CNTNAP2: variants seen among roughly 807,000 people sequenced by gnomAD.
The protein encoded by CNTNAP2 is contactin-associated protein-like 2.
A neutral mutation model predicts 155.2 loss-of-function variants in CNTNAP2; 98 were observed. That is an observed-to-expected ratio of 0.63 (90% CI 0.54 to 0.75). The LOEUF (loss-of-function observed/expected upper bound fraction) is 0.75. Among genes scored for constraint, CNTNAP2 ranks in the 30% least tolerant of loss-of-function variants. The pLI, the probability that CNTNAP2 is intolerant of heterozygous loss-of-function variation, is 0.00. For synonymous variants in CNTNAP2, 651 were observed against 631.2 expected (o/e 1.03, Z -0.47); for missense variants, 1,727 against 1,688.1 (o/e 1.02, Z -0.40).
At chr7:148,209,861 G>A (rs1714165855) in intron 18 of CNTNAP2, among the ~76,000 whole-genome samples, 1 of 152,098 alleles carries the variant, frequency 6.6e-6, no homozygotes, top group Non-Finnish European at 1.5e-5. Flanking sequence ...CTCCCCTGAG[G>A]GTTTGTCATC....
At chr7:146,501,516 A>T (rs1386927296) in intron 1 of CNTNAP2, among the ~76,000 whole-genome samples, 1 of 152,044 alleles carries the variant, frequency 6.6e-6, no homozygotes, top group Non-Finnish European at 1.5e-5. Context: ...TGTTTATATT[A>T]TTCCTTTGTA....
intron 9 of CNTNAP2, among the ~76,000 whole-genome samples, chr7:147,342,700 T>G (rs1563167638): frequency 6.6e-6 from 1 of 152,160 alleles, no homozygotes; most frequent in Non-Finnish European, 1.5e-5. Context: ...TTTAAATAAC[T>G]TGTTTACCTG....
chr7:147,828,351 C>A (rs1798493376), intron 13 of CNTNAP2, among the ~76,000 whole-genome samples: 1 of 152,128 alleles, frequency 6.6e-6, no homozygotes, highest in Non-Finnish European at 1.5e-5. Context: ...TTTAATACCA[C>A]TAAGTTTCAA....
chr7:147,698,402 A>G (rs1796190949), intron 13 of CNTNAP2, among the ~76,000 whole-genome samples: 1 of 152,218 alleles, frequency 6.6e-6, no homozygotes, highest in Admixed American at 6.5e-5. Context: ...TTATACCATT[A>G]CATCACATAT....
intron 4 of CNTNAP2, among the ~76,000 whole-genome samples, chr7:147,099,410 A>G (rs994598381): frequency 2.3e-4 from 35 of 152,082 alleles, no homozygotes; most frequent in African/African-American, 8.2e-4. Flanking sequence ...CATGGTCAGG[A>G]TAGAGGGGAA....
chr7:146,656,204 T>C (rs1224369739), intron 1 of CNTNAP2, among the ~76,000 whole-genome samples: 1 of 152,210 alleles, frequency 6.6e-6, no homozygotes, highest in African/African-American at 2.4e-5. Flanking sequence ...CCAAAGTTCA[T>C]CTCTTATTAC....
At chr7:147,788,795 C>CA (rs1241134997) in intron 13 of CNTNAP2, among the ~76,000 whole-genome samples, 12 of 151,888 alleles carry the variant, frequency 7.9e-5, no homozygotes, top group African/African-American at 2.9e-4. Context: ...GTTGCTGATG[C>CA]AAAAAATCCC....
intron 4 of CNTNAP2, among the ~76,000 whole-genome samples, chr7:147,091,965 T>C (rs1252774805): frequency 6.6e-6 from 1 of 152,078 alleles, no homozygotes; most frequent in Non-Finnish European, 1.5e-5. Flanking sequence ...GGTGTCGATC[T>C]CCTGACCTCG....
chr7:146,347,140 A>T (rs890754531), intron 1 of CNTNAP2, among the ~76,000 whole-genome samples: 4 of 65,762 alleles, frequency 6.1e-5, no homozygotes, highest in African/African-American at 1.7e-4. Flanking sequence ...ATACTCTGTA[A>T]AAAAAAAAAA....
At chr7:148,201,877 A>AAAG (rs893971669) in intron 18 of CNTNAP2, among the ~76,000 whole-genome samples, 1 of 152,088 alleles carries the variant, frequency 6.6e-6, no homozygotes, top group Admixed American at 6.6e-5. Flanking sequence ...CTATGGAACA[A>AAAG]AAGAAATGGC....
At chr7:147,511,759 G>C (rs1162363273) in intron 11 of CNTNAP2, among the ~76,000 whole-genome samples, 1 of 152,070 alleles carries the variant, frequency 6.6e-6, no homozygotes, top group Non-Finnish European at 1.5e-5. Flanking sequence ...ACAAAGATCA[G>C]ACAAACCACT....
chr7:146,904,751 G>T (rs906867410), intron 3 of CNTNAP2, among the ~76,000 whole-genome samples: 1 of 152,166 alleles, frequency 6.6e-6, no homozygotes, highest in East Asian at 1.9e-4. Flanking sequence ...GATTACAGGC[G>T]TGAGCCACCG....
At chr7:147,093,498 AG>A (rs1291357579) in intron 4 of CNTNAP2, among the ~76,000 whole-genome samples, 1 of 152,180 alleles carries the variant, frequency 6.6e-6, no homozygotes, top group East Asian at 1.9e-4. Flanking sequence ...TAAAGTTGCC[AG>A]GAACACTGAT....
intron 1 of CNTNAP2, among the ~76,000 whole-genome samples, chr7:146,296,717 G>A (rs1025849989): frequency 4.7e-5 from 7 of 149,146 alleles, no homozygotes; most frequent in African/African-American, 7.7e-5. Flanking sequence ...ATTTGGCCAC[G>A]TATTTTAGTA....
Position 146,390,449 on chromosome 7 carries a change from A to C in CNTNAP2, c.97+273476A>C, listed in dbSNP as rs574096820. 9.1e-4 allele frequency among the ~76,000 whole-genome samples: 139 copies of C among 152,018 alleles called. 1 individual carries two copies. The highest frequency in any genetic ancestry group is 2.6e-4 in the Non-Finnish European group (18 of 67,976). On this transcript the variant is annotated intron_variant, in intron 1 of 23. Coordinates refer to ENST00000361727, the MANE Select transcript of CNTNAP2 (RefSeq NM_014141.6). ...ACATAAACCGAATCTAATCAGGAGG[A>C]AAAAATCAGACAAGTTCAGATTGTG...
At chr7:146,584,293 G>A (rs765609416) in intron 1 of CNTNAP2, among the ~76,000 whole-genome samples, 3 of 152,110 alleles carry the variant, frequency 2.0e-5, no homozygotes, top group Non-Finnish European at 4.4e-5. Flanking sequence ...TTTCTTATCT[G>A]TATAATGTGG....
intron 1 of CNTNAP2, among the ~76,000 whole-genome samples, chr7:146,492,725 G>A (rs967851804): frequency 6.6e-6 from 1 of 152,114 alleles, no homozygotes. Flanking sequence ...GTATATTGAA[G>A]CTATACAACA....
intron 11 of CNTNAP2, among the ~76,000 whole-genome samples, chr7:147,558,060 A>G (rs974338408): frequency 6.6e-6 from 1 of 152,194 alleles, no homozygotes; most frequent in Admixed American, 6.5e-5. Context: ...CATATTTTTA[A>G]ATGTATTTTA....
intron 1 of CNTNAP2, among the ~76,000 whole-genome samples, chr7:146,466,420 C>T (rs888067288): frequency 1.3e-5 from 2 of 152,198 alleles, no homozygotes; most frequent in African/African-American, 4.8e-5. Flanking sequence ...TGAACTACAA[C>T]AATGCTTACC....
Sources: allele counts gnomAD v4.1 joint callset (sites outside exome capture counted in the v4.1 genomes callset), GRCh38; gene constraint gnomAD v4.1.1; transcripts MANE v1.5; gene names NCBI Gene and HGNC (gene_info 2026-07-23, HGNC 2026-07-21).